Variants in DDX11 observed in about 807,000 individuals in gnomAD.
DDX11 encodes ATP-dependent DNA helicase DDX11.
Under a neutral mutation model 125.2 loss-of-function variants are expected in DDX11, and 72 were observed. The ratio of observed to expected loss-of-function variants is 0.58; its 90% CI spans 0.48 to 0.70. The LOEUF (loss-of-function observed/expected upper bound fraction) is 0.70, where lower values mean the gene tolerates loss of function less well. Among genes scored for constraint, DDX11 ranks in the 30% least tolerant of loss-of-function variants. The pLI, the probability that DDX11 is intolerant of heterozygous loss-of-function variation, is 0.00. For synonymous variants in DDX11, 347 were observed against 452.6 expected (o/e 0.77, Z 2.96); for missense variants, 883 against 1,165.0 (o/e 0.76, Z 3.52).
At position 31,101,903 on chromosome 12, in the gene DDX11, C is replaced by G. The variant is rs1946447657; in HGVS notation, c.2123C>G (p.Pro708Arg). The change falls in exon 21 of 27, where the codon CCC becomes CGC. Residue 708 changes from proline (P) to arginine (R), a missense_variant. Physicochemically the swap from Pro to Arg is moderately radical, Grantham distance 103. Around this residue, in one of 5 missense-constraint regions of DDX11, gnomAD observed 285 missense variants for 346.0 expected, o/e 0.82. Coordinates refer to ENST00000542838, the MANE Select transcript of DDX11 (RefSeq NM_030653.4). ...VVPGGVVCFF[P>R]SYEYLRQVHA... ...CCTGGAGGGGTGGTCTGTTTCTTCC[C>G]CTCCTACGAGTACCTGCGCCAGGTC... 6.2e-7 allele frequency: 1 copy of G among 1,613,898 alleles called. No individual in the cohort carries two copies. The highest frequency in any genetic ancestry group is 2.2e-5 in the East Asian group (1 of 44,876).
At chr12:31,086,144 G>A (rs1180153918) in intron 5 of DDX11, 20 of 454,046 alleles carry the variant, frequency 4.4e-5, no homozygotes, top group South Asian at 1.6e-4. Context: ...CTCATGCAAC[G>A]TGCTGTGGCC....
chr12:31,091,421 C>T, intron 9 of DDX11: 1 of 348,336 alleles, frequency 2.9e-6, no homozygotes, highest in Non-Finnish European at 5.4e-6. Flanking sequence ...TGTGGAAACT[C>T]GGGGGCCTCC....
Position 31,098,085 on chromosome 12 carries a change from C to T in DDX11, c.1875+88C>T. On this transcript the variant is annotated intron_variant, in intron 18 of 26. Coordinates refer to ENST00000542838, the MANE Select transcript of DDX11 (RefSeq NM_030653.4). ...AGATGCATTATCAGTCCTGTTCTCT[C>T]CTGGGGCCCCAAGCCAGAAAGGGTC... The T allele has an allele frequency of 3.6e-6, 4 of 1,123,428 alleles. No individual in the cohort carries two copies. In the Admixed American group the frequency reaches 8.0e-5, roughly 22 times the overall value. 69.6% of individuals were successfully genotyped at this position (1,123,428 alleles called of 1,614,324 possible).
At chr12:31,102,014 T>G (rs1242698645) in intron 21 of DDX11, 32 bp downstream of exon 21, 6 of 1,604,614 alleles carry the variant, frequency 3.7e-6, no homozygotes, top group East Asian at 2.2e-5. Context: ...TTCCCACTTG[T>G]GAGGACAGTG....
At position 31,093,645 on chromosome 12, in the gene DDX11, C is replaced by T. The variant is rs570090600; in HGVS notation, c.1369+321C>T. The stretch of plus-strand genomic sequence containing the variant: ...GACAAGAGAATTGCTTGCTCAAACC[C>T]GGGAGGCGGAGGTTGCAGTGAGCCG... On this transcript the variant is annotated intron_variant, in intron 12 of 26. Coordinates refer to ENST00000542838, the MANE Select transcript of DDX11 (RefSeq NM_030653.4). The T allele has an allele frequency of 1.7e-3, 612 of 355,100 alleles. 1 individual carries two copies. The highest frequency in any genetic ancestry group is 2.3e-3 in the Non-Finnish European group (420 of 185,820). The allele number at this position is 355,100 out of a possible 1,614,324, so 22.0% of individuals were successfully genotyped here.
intron 1 of DDX11, among the ~76,000 whole-genome samples, chr12:31,076,491 A>G (rs2140376129): frequency 6.6e-6 from 1 of 152,316 alleles, no homozygotes; most frequent in East Asian, 1.9e-4. Context: ...TATCTCTTGC[A>G]ACCGGATGAG....
chr12:31,093,913 C>T lies in DDX11; in HGVS notation c.1369+589C>T, dbSNP rs1003481021. Among the ~76,000 whole-genome samples the T allele has an allele frequency of 5.9e-4, 87 of 147,580 alleles. 1 individual carries two copies. The highest frequency in any genetic ancestry group is 2.0e-3 in the African/African-American group (80 of 39,354). On this transcript the variant is annotated intron_variant, in intron 12 of 26. Coordinates refer to ENST00000542838, the MANE Select transcript of DDX11 (RefSeq NM_030653.4). The stretch of plus-strand genomic sequence containing the variant: ...AAGGATACAGCATCACATAGACACA[C>T]GGTGTTTCCGTGATAGGCATAGTTC...
intron 19 of DDX11, 141 bp from the exon 20 acceptor site, chr12:31,100,886 G>A: frequency 9.2e-7 from 1 of 1,087,362 alleles, no homozygotes; most frequent in Non-Finnish European, 1.4e-6. Context: ...CTGCTGCCCA[G>A]TGTGACTGGT....
chr12:31,091,372 T>G (rs1944185543), intron 9 of DDX11: 1 of 231,736 alleles, frequency 4.3e-6, no homozygotes, highest in Non-Finnish European at 8.4e-6. Flanking sequence ...GAGTAGAAGC[T>G]GGGGCCGCTT....
Position 31,083,867 on chromosome 12 carries a change from C to T in DDX11, c.199C>T (p.Gln67Ter). 5.0e-6 allele frequency: 8 copies of T among 1,612,778 alleles called. No individual in the cohort carries two copies. The highest frequency in any genetic ancestry group is 5.9e-6 in the Non-Finnish European group (7 of 1,179,872). ...GALSWLRDFE[Q>*]KKREEEARLL... ...CCTCTCTTGGCTCCGTGACTTTGAA[C>T]AGAAGAAGCGTGAAGAAGAGGCACG... The change falls in exon 3 of 27, where the codon CAG becomes TAG. Residue 67 changes from glutamine to a stop codon, truncating the protein, a stop_gained. Coordinates refer to ENST00000542838, the MANE Select transcript of DDX11 (RefSeq NM_030653.4). LOFTEE classifies it high-confidence loss of function.
At chr12:31,091,431 C>T (rs1944202555) in intron 9 of DDX11, 3 of 391,622 alleles carry the variant, frequency 7.7e-6, no homozygotes, top group African/African-American at 2.1e-5. Flanking sequence ...CGGGGGCCTC[C>T]GGGGCGACCT....
At chr12:31,087,209 T>G (rs1452178675) in intron 5 of DDX11, among the ~76,000 whole-genome samples, 2 of 145,648 alleles carry the variant, frequency 1.4e-5, no homozygotes, top group Admixed American at 6.9e-5. Context: ...CAAGAAGAGT[T>G]GTAGCTGGTC....
Position 31,091,808 on chromosome 12 carries a change from C to A in DDX11, c.1179C>A (p.Asp393Glu), listed in dbSNP as rs1340983009. 3 of 1,613,726 alleles carry A rather than the reference C, an allele frequency of 1.9e-6. No individual in the cohort carries two copies. In the African/African-American group the frequency reaches 4.0e-5, roughly 22 times the overall value. ...IRLQDQVVIIDEAHNLIDTIT... is the reference protein window; with the variant it reads ...IRLQDQVVIIEEAHNLIDTIT... ...TGCAGGACCAGGTGGTGATCATCGACGAGGCGCACAACCTGATCGACACCA... is the reference window on the plus strand; with the variant it reads ...TGCAGGACCAGGTGGTGATCATCGAAGAGGCGCACAACCTGATCGACACCA... Residue 393 changes from aspartate (D) to glutamate (E), a missense_variant, in exon 10 of 27, where the codon GAC (aspartate) becomes GAA (glutamate). Asp to Glu is a conservative substitution (Grantham distance 45, BLOSUM62 2). Transcript: ENST00000542838.
At chr12:31,094,959 G>A in intron 14 of DDX11, 137 bp downstream of exon 14, 1 of 941,660 alleles carries the variant, frequency 1.1e-6, no homozygotes, top group Non-Finnish European at 1.7e-6. Context: ...AACGCAACAT[G>A]CCTGTGAGAC....
At chr12:31,094,682 C>T (rs758001885) in intron 13 of DDX11, 48 bp downstream of exon 13, 12 of 1,543,184 alleles carry the variant, frequency 7.8e-6, no homozygotes, top group East Asian at 2.4e-5. Flanking sequence ...GAGCCACTTC[C>T]GAGCTTAACC....
intron 14 of DDX11, among the ~76,000 whole-genome samples, chr12:31,095,448 G>A (rs1221673020): frequency 6.6e-6 from 1 of 152,232 alleles, no homozygotes; most frequent in South Asian, 2.1e-4. Context: ...TCCCACAAGT[G>A]AGCCAATAGC....
chr12:31,097,029 A>G, intron 17 of DDX11, 39 bp downstream of exon 17: 1 of 1,611,776 alleles, frequency 6.2e-7, no homozygotes, highest in Non-Finnish European at 8.5e-7. Context: ...GTTCCCAGGA[A>G]GGAGCCAAGC....
In DDX11 at chr12:31,083,924, G is replaced by A. The variant is rs1168234440; in HGVS notation, c.256G>A (p.Asp86Asn). The A allele has an allele frequency of 1.2e-6, 2 of 1,613,836 alleles. No homozygotes were observed. The highest frequency in any genetic ancestry group is 1.3e-5 in the African/African-American group (1 of 74,910). Residue 86 changes from aspartate to asparagine, a missense_variant, in exon 3 of 27, where the codon GAT (aspartate) becomes AAT (asparagine). Coordinates refer to ENST00000542838, the MANE Select transcript of DDX11 (RefSeq NM_030653.4). ...LLETGTGPLHDEKDESLCLSS... is the reference protein window; with the variant it reads ...LLETGTGPLHNEKDESLCLSS... ...TGAAACTGGAACTGGCCCCTTACAT[G>A]ATGAGAAAGATGAATCCCTGTGTCT...
chr12:31,076,277 T>TGTGGCTGTATCCGGCAC (rs1312173962), intron 1 of DDX11, among the ~76,000 whole-genome samples: 4 of 152,096 alleles, frequency 2.6e-5, no homozygotes, highest in African/African-American at 9.7e-5. Context: ...GGAGTGAGAT[T>TGTGGCTGTATCCGGCAC]GTGGCTGTAT....
Sources: gnomAD v4.1 joint callset for allele counts (sites outside exome capture counted in the v4.1 genomes callset) on GRCh38, gnomAD v4.1.1 for gene constraint, gnomAD v4.1.1 regional missense constraint, MANE v1.5 for transcripts, NCBI Gene and HGNC (gene_info 2026-07-23, HGNC 2026-07-21) for gene names.